LRRC36: variants seen among roughly 807,000 people sequenced by gnomAD.
The protein encoded by LRRC36 is leucine-rich repeat-containing protein 36.
In LRRC36, 62 loss-of-function variants were observed where a neutral mutation model predicts 81.1. The ratio of observed to expected loss-of-function variants is 0.76; its 90% CI spans 0.62 to 0.94. The LOEUF is 0.94. Among genes scored for constraint, LRRC36 ranks in the 40% least tolerant of loss-of-function variants. The probability of loss-of-function intolerance (pLI) is 0.00; values close to 1 mark genes in which losing one functional copy is unlikely to be tolerated. For synonymous variants in LRRC36, 334 were observed against 348.6 expected (o/e 0.96, Z 0.47); for missense variants, 761 against 881.7 (o/e 0.86, Z 1.73).
rs901436853 is a variant in LRRC36, at chr16:67,360,373, T to C, written c.578-3217T>C. The stretch of plus-strand genomic sequence containing the variant: ...TTGAAAGAAAAGGAACCTGTGAATC[T>C]GGAAAAGAGCATATGTGCTGTGGGA... On this transcript the variant is annotated intron_variant, in intron 5 of 13. Coordinates refer to ENST00000329956, the MANE Select transcript of LRRC36 (RefSeq NM_018296.6). Among the ~76,000 whole-genome samples, 3 of 152,240 alleles carry C rather than the reference T, an allele frequency of 2.0e-5. No individual in the cohort carries two copies. In the East Asian group the frequency reaches 5.8e-4, roughly 29 times the overall value.
At chr16:67,328,976 C>T (rs1319206683) in intron 1 of LRRC36, among the ~76,000 whole-genome samples, 1 of 152,198 alleles carries the variant, frequency 6.6e-6, no homozygotes, top group Non-Finnish European at 1.5e-5. Flanking sequence ...GTGGCGTGAT[C>T]TCGGCTCACT....
rs2039609472 is a variant in LRRC36, at chr16:67,370,956, C to T, written c.1208C>T (p.Thr403Ile). Residue 403 changes from threonine to isoleucine, a missense_variant, in exon 9 of 14, where the codon ACA (threonine) becomes ATA (isoleucine). Thr to Ile is a moderately conservative substitution (Grantham distance 89, BLOSUM62 -1). Transcript: ENST00000329956. ...GTTTCCTCCACAGATCTGTATGCCA[C>T]AACCCATTTCAACAGTGACCCTGCT... is the stretch of plus-strand genomic sequence containing the variant. The part of the protein sequence containing the change: ...LLKLSSDLYA[T>I]THFNSDPAVL... 1 of 1,612,972 alleles carries T rather than the reference C, an allele frequency of 6.2e-7. No individual in the cohort carries two copies. Among genetic ancestry groups the T allele is most frequent in the Non-Finnish European group, 8.5e-7 (1 of 1,179,114 alleles).
chr16:67,366,415 G>A (rs549138803), intron 7 of LRRC36, among the ~76,000 whole-genome samples: 4 of 152,114 alleles, frequency 2.6e-5, no homozygotes, highest in Non-Finnish European at 5.9e-5. Flanking sequence ...AGGAGTTTGA[G>A]ACCAGCATGG....
At position 67,350,418 on chromosome 16, in the gene LRRC36, G is replaced by A. The variant is rs753655749; in HGVS notation, c.577+128G>A. 51 of 790,926 alleles carry A rather than the reference G, an allele frequency of 6.4e-5. 1 individual carries two copies. Among genetic ancestry groups the A allele is most frequent in the Non-Finnish European group, 1.0e-4 (50 of 480,474 alleles). 49.0% of individuals were successfully genotyped at this position (790,926 alleles called of 1,614,324 possible). A position where few individuals can be genotyped will look rare whatever the true frequency, so the allele number is the denominator to read the frequency against. Reference sequence around the variant, plus strand: ...AATTTGAAGCAAGCACAGGTTTACTGGCTGTGTTTTTCTTCCATCCTCTCA... The same window carrying A: ...AATTTGAAGCAAGCACAGGTTTACTAGCTGTGTTTTTCTTCCATCCTCTCA... On this transcript the variant is annotated intron_variant, in intron 5 of 13. Coordinates refer to ENST00000329956, the MANE Select transcript of LRRC36 (RefSeq NM_018296.6).
chr16:67,372,301 G>A (rs1468426744), intron 9 of LRRC36, among the ~76,000 whole-genome samples: 4 of 151,512 alleles, frequency 2.6e-5, no homozygotes, highest in Non-Finnish European at 4.4e-5. Context: ...AGGTTGTGGT[G>A]AGCCGAGATC....
chr16:67,329,876 T>C (rs9935601), intron 1 of LRRC36, among the ~76,000 whole-genome samples: 35,395 of 151,972 alleles, frequency 0.23, 8,198 homozygotes, highest in African/African-American at 0.6. Flanking sequence ...TGAGATCGCG[T>C]CACTGCACTC....
intron 1 of LRRC36, among the ~76,000 whole-genome samples, chr16:67,339,131 G>A (rs757142114): frequency 3.5e-4 from 53 of 151,368 alleles, no homozygotes; most frequent in Non-Finnish European, 6.5e-4. Context: ...CTGACCTCAA[G>A]TGATCCGCCC....
At chr16:67,357,494 T>C (rs897326716) in intron 5 of LRRC36, among the ~76,000 whole-genome samples, 2 of 152,204 alleles carry the variant, frequency 1.3e-5, no homozygotes, top group African/African-American at 4.8e-5. Flanking sequence ...TACAATATGT[T>C]TATTTGAGAT....
At chr16:67,343,807 G>T (rs1209939922) in intron 2 of LRRC36, among the ~76,000 whole-genome samples, 1 of 151,626 alleles carries the variant, frequency 6.6e-6, no homozygotes, top group African/African-American at 2.4e-5. Flanking sequence ...TATATTTTTT[G>T]CATCTATGAT....
intron 5 of LRRC36, 83 bp from the exon 6 acceptor site, chr16:67,363,507 C>A: frequency 7.0e-7 from 1 of 1,426,704 alleles, no homozygotes; most frequent in Non-Finnish European, 9.6e-7. Flanking sequence ...TGTGACTTTC[C>A]TTTTAGTATC....
In LRRC36 at chr16:67,346,292, T is replaced by C. The variant is rs115937003; in HGVS notation, c.235T>C (p.Leu79=). Reference sequence around the variant, plus strand: ...TTTATGTTCACTCCAAGACCTGAATTTATATTATAACAACATTCCTTCATT... The same window carrying C: ...TTTATGTTCACTCCAAGACCTGAATCTATATTATAACAACATTCCTTCATT... ...QYLCSLQDLN[L]YYNNIPSLVE... Residue 79 remains leucine, a synonymous_variant, in exon 3 of 14, where the codon TTA becomes CTA. Transcript: ENST00000329956. 2.9e-5 allele frequency: 46 copies of C among 1,609,502 alleles called. No homozygotes were observed. In the African/African-American group the frequency reaches 5.9e-4, roughly 21 times the overall value.
chr16:67,375,449 G>A (rs758496167), intron 10 of LRRC36, 37 bp downstream of exon 10: 2 of 1,526,554 alleles, frequency 1.3e-6, no homozygotes, highest in Non-Finnish European at 1.7e-6. Context: ...GACAGGAGTT[G>A]GACTTTTCCT....
chr16:67,332,172 AT>A (rs1168701253), intron 1 of LRRC36, among the ~76,000 whole-genome samples: 8 of 152,200 alleles, frequency 5.3e-5, no homozygotes, highest in African/African-American at 1.9e-4. Flanking sequence ...TGTAACCCAT[AT>A]ATTAAAATTG....
chr16:67,350,105 C>A, intron 4 of LRRC36, 97 bp from the exon 5 acceptor site: 1 of 799,658 alleles, frequency 1.3e-6, no homozygotes, highest in Admixed American at 2.5e-5. Context: ...TGAGAAAAAT[C>A]TGATCACCAT....
intron 5 of LRRC36, chr16:67,362,098 AAAAC>A: frequency 5.7e-6 from 2 of 352,084 alleles, no homozygotes; most frequent in South Asian, 2.0e-5. Flanking sequence ...AAAATTAAAA[AAAAC>A]AAAAACAAAA....
Position 67,376,846 on chromosome 16 carries a change from G to T in LRRC36, c.1780G>T (p.Ala594Ser). The change falls in exon 11 of 14, where the codon GCT becomes TCT. Residue 594 changes from alanine (A) to serine (S), a missense_variant. Around this residue, in one of 3 missense-constraint regions of LRRC36, gnomAD observed 359 missense variants for 388.4 expected, o/e 0.92. Transcript: ENST00000329956. ...FCRRELELKE[A>S]AQLVPNDMES... ...CAGGAGGGAGCTTGAACTGAAGGAG[G>T]CTGCGCAGCTGGTCCCTAATGACAT... 3 of 1,613,238 alleles carry T rather than the reference G, an allele frequency of 1.9e-6. No homozygotes were observed. Among genetic ancestry groups the T allele is most frequent in the Non-Finnish European group, 2.5e-6 (3 of 1,179,286 alleles).
rs572537282 is a variant in LRRC36 at position 67,343,156 on chromosome 16, CTT to C, written c.198+1075_198+1076del. Among the ~76,000 whole-genome samples, 281 of 152,304 alleles carry C rather than the reference CTT, an allele frequency of 1.8e-3. 4 individuals carry two copies. The highest frequency in any genetic ancestry group is 3.2e-3 in the Non-Finnish European group (220 of 68,024). On this transcript the variant is annotated intron_variant, in intron 2 of 13. Coordinates refer to ENST00000329956, the MANE Select transcript of LRRC36 (RefSeq NM_018296.6). ...TAGTTCAGAGTTGCTTAGGTCTCCT[CTT>C]TTGTTTGTTTATTCTTTTTCTGGCT...
chr16:67,336,934 AT>A (rs2037793117), intron 1 of LRRC36, among the ~76,000 whole-genome samples: 1 of 151,152 alleles, frequency 6.6e-6, no homozygotes, highest in Admixed American at 6.6e-5. Flanking sequence ...CACCCGGCTA[AT>A]TTTTTTAATT....
rs1237042318 is a variant in LRRC36 at position 67,367,336 on chromosome 16, AG to A, written c.1075del (p.Glu359SerfsTer4). On this transcript the variant is annotated frameshift_variant, in exon 8 of 14. Coordinates refer to ENST00000329956, the MANE Select transcript of LRRC36 (RefSeq NM_018296.6). LOFTEE classifies it high-confidence loss of function. ...GGCCTCAGAGAAGCAAGAACTATCA[AG>A]AGTATAGCATAAAGCCTTCAAATGA... ...KRPQRSKNYQ[E>X]YSIKPSNDIK... The A allele has an allele frequency of 6.2e-7, 1 of 1,614,168 alleles. No individual in the cohort carries two copies. Among genetic ancestry groups the A allele is most frequent in the East Asian group, 2.2e-5 (1 of 44,878 alleles).
Sources: gnomAD v4.1 joint callset for allele counts (sites outside exome capture counted in the v4.1 genomes callset) on GRCh38, gnomAD v4.1.1 for gene constraint, gnomAD v4.1.1 regional missense constraint, MANE v1.5 for transcripts, NCBI Gene and HGNC (gene_info 2026-07-23, HGNC 2026-07-21) for gene names.